PRKAG1: variants seen among roughly 807,000 people sequenced by gnomAD.
PRKAG1 encodes protein kinase AMP-activated non-catalytic subunit gamma 1.
PRKAG1 carries 27 observed loss-of-function variants against 48.2 expected under a neutral mutation model. The observed-to-expected ratio is 0.56, with a 90% CI of 0.41 to 0.77. The LOEUF (loss-of-function observed/expected upper bound fraction) is 0.77, where lower values mean the gene tolerates loss of function less well. Ranked by LOEUF, PRKAG1 falls within the 30% of genes least tolerant of loss-of-function variation. PRKAG1 has a pLI of 0.00. For synonymous variants in PRKAG1, 130 were observed against 147.7 expected, an observed-to-expected ratio of 0.88 and a Z score of 0.87; for missense variants, 287 against 398.3, an observed-to-expected ratio of 0.72 and a Z score of 2.38.
intron 7 of PRKAG1, 21 bp from the exon 8 acceptor site, chr12:49,004,654 A>G (rs202042343): frequency 3.7e-6 from 6 of 1,613,794 alleles, no homozygotes; most frequent in African/African-American, 1.3e-5. Flanking sequence ...GTGGGAGATA[A>G]TAAGTTCCAC....
chr12:49,018,685 T>C (rs372783464), intron 1 of PRKAG1, 47 bp downstream of exon 1: 14 of 1,611,692 alleles, frequency 8.7e-6, no homozygotes, highest in Non-Finnish European at 1.2e-5. Context: ...GTTGGGGGGG[T>C]GTCTTAGGCT....
At chr12:49,014,224 G>A (rs1941879003) in intron 1 of PRKAG1, among the ~76,000 whole-genome samples, 2 of 152,154 alleles carry the variant, frequency 1.3e-5, no homozygotes, top group Non-Finnish European at 2.9e-5. Flanking sequence ...CCATTCTGAT[G>A]AAATTCTACC....
At chr12:49,018,707 C>T in intron 1 of PRKAG1, 25 bp downstream of exon 1, 4 of 1,613,552 alleles carry the variant, frequency 2.5e-6, no homozygotes, top group Non-Finnish European at 3.4e-6. Flanking sequence ...CACAGCGCCC[C>T]CGACCGCCCT....
At chr12:49,004,676 TG>T (rs1941445792) in intron 7 of PRKAG1, 43 bp from the exon 8 acceptor site, 2 of 1,613,196 alleles carry the variant, frequency 1.2e-6, no homozygotes. Context: ...GTGCTGGGGC[TG>T]GGGGTGATTA....
chr12:49,012,994 T>C (rs532563030), intron 2 of PRKAG1, 68 bp downstream of exon 2: 4 of 1,450,240 alleles, frequency 2.8e-6, no homozygotes, highest in East Asian at 2.3e-5. Flanking sequence ...TTCAAAAGCA[T>C]TGTTGAAGAC....
chr12:49,015,252 C>T (rs1941919213), intron 1 of PRKAG1, among the ~76,000 whole-genome samples: 1 of 152,198 alleles, frequency 6.6e-6, no homozygotes, highest in Non-Finnish European at 1.5e-5. Flanking sequence ...CACAAAGGCA[C>T]AAAAACAGCT....
At chr12:49,004,198 C>CG in intron 8 of PRKAG1, 1 of 516,134 alleles carries the variant, frequency 1.9e-6, no homozygotes, top group Non-Finnish European at 3.3e-6. Flanking sequence ...GGGTTGAGGT[C>CG]GGGGGTCACC....
At chr12:49,007,485 TTAA>T (rs1357764002) in intron 2 of PRKAG1, among the ~76,000 whole-genome samples, 1 of 152,192 alleles carries the variant, frequency 6.6e-6, no homozygotes, top group Non-Finnish European at 1.5e-5. Context: ...AATTTGGTTT[TTAA>T]TATTTATTTT....
At position 49,011,048 on chromosome 12, in the gene PRKAG1, G is replaced by T. The variant is rs1941738293; in HGVS notation, c.58+2014C>A. Among the ~76,000 whole-genome samples the T allele has an allele frequency of 2.6e-5, 4 of 152,036 alleles. No homozygotes were observed. In the South Asian group the frequency reaches 8.3e-4, roughly 32 times the overall value. On this transcript the variant is annotated intron_variant, in intron 2 of 11. Transcript: ENST00000548065. Reference sequence around the variant, plus strand: ...AGTAGAGACGGGGTTTCACCATGTTGGCCAGGCTGGTCTCAAACTCTTGTT... The same window carrying T: ...AGTAGAGACGGGGTTTCACCATGTTTGCCAGGCTGGTCTCAAACTCTTGTT...
intron 2 of PRKAG1, among the ~76,000 whole-genome samples, chr12:49,007,282 G>A (rs1301399544): frequency 7.6e-5 from 9 of 118,818 alleles, no homozygotes; most frequent in African/African-American, 1.4e-4. Context: ...GTGAGACTCC[G>A]TCTCAAAAAA....
chr12:49,007,139 T>A (rs1042243671), intron 2 of PRKAG1, among the ~76,000 whole-genome samples: 1 of 151,048 alleles, frequency 6.6e-6, no homozygotes, highest in East Asian at 1.9e-4. Flanking sequence ...ATATAAAAAT[T>A]AGCCAGGCGT....
rs199513404 is a variant in PRKAG1 at position 49,013,100 on chromosome 12, G to A, written c.20C>T (p.Ser7Leu). 16 of 1,613,590 alleles carry A rather than the reference G, an allele frequency of 9.9e-6. No homozygotes were observed. The highest frequency in any genetic ancestry group is 6.7e-5 in the East Asian group (3 of 44,898). Residue 7 changes from serine (S) to leucine (L), a missense_variant, in exon 2 of 12, where the codon TCA becomes TTA. Transcript: ENST00000548065. ...ATTTTCCACAGCTGGGGAGCTATCTGAAGAAATGACCTGGAGAGATAAGAA... is the reference window on the plus strand; with the variant it reads ...ATTTTCCACAGCTGGGGAGCTATCTAAAGAAATGACCTGGAGAGATAAGAA... METVIS[S>L]DSSPAVENEH...
Position 49,004,971 on chromosome 12 carries a change from T to C in PRKAG1, c.403A>G (p.Asn135Asp). Residue 135 changes from asparagine (N) to aspartate (D), a missense_variant, in exon 7 of 12, where the codon AAT becomes GAT. Physicochemically the swap from Asn to Asp is conservative, Grantham distance 23 (BLOSUM62 1). This residue lies in a region of PRKAG1 where 224 missense variants were observed against 344.3 expected (regional missense o/e 0.65). Transcript: ENST00000548065. ...SFKPLVCISP[N>D]ASLFDAVSSL... is the part of the protein sequence containing the mutation. ...TGGGTAACTGGAACTCACCTGGCAT[T>C]AGGAGAAATGCAGACAAGCGGTTTA... 1 of 1,613,954 alleles carries C rather than the reference T, an allele frequency of 6.2e-7. No individual in the cohort carries two copies. Among genetic ancestry groups the C allele is most frequent in the South Asian group, 1.1e-5 (1 of 91,078 alleles).
chr12:49,002,906 T>C lies in PRKAG1; in HGVS notation c.989A>G (p.Lys330Arg), dbSNP rs1292224498. The C allele has an allele frequency of 6.2e-7, 1 of 1,613,910 alleles. No homozygotes were observed. Among genetic ancestry groups the C allele is most frequent in the African/African-American group, 1.3e-5 (1 of 74,942 alleles). The change falls in exon 12 of 12, where the codon AAG becomes AGG. Residue 330 changes from lysine (K) to arginine (R), a missense_variant. Lys to Arg is a conservative substitution (Grantham distance 26). Transcript: ENST00000548065. ...QALVLTGGEK[K>R]P ...ATGACCCCTTCCCCCAGCTCAGGGC[T>C]TCTTCTCTCCACCTGTGAGCACCAG...
chr12:49,015,306 G>A (rs1941921243), intron 1 of PRKAG1, among the ~76,000 whole-genome samples: 1 of 152,222 alleles, frequency 6.6e-6, no homozygotes, highest in Non-Finnish European at 1.5e-5. Flanking sequence ...ACTGTACTGT[G>A]CTACAGTTAT....
intron 2 of PRKAG1, among the ~76,000 whole-genome samples, chr12:49,007,852 T>C (rs141088116): frequency 6.6e-6 from 1 of 151,928 alleles, no homozygotes; most frequent in Non-Finnish European, 1.5e-5. Flanking sequence ...TATATCCGTA[T>C]TTCAATCTTT....
chr12:49,012,942 G>T, intron 2 of PRKAG1, 120 bp downstream of exon 2: 2 of 1,005,472 alleles, frequency 2.0e-6, no homozygotes, highest in Non-Finnish European at 1.5e-6. Context: ...TTTGTGGTTT[G>T]GCACATTATC....
intron 2 of PRKAG1, among the ~76,000 whole-genome samples, chr12:49,012,122 G>C (rs1941783484): frequency 6.6e-6 from 1 of 152,204 alleles, no homozygotes; most frequent in South Asian, 2.1e-4. Context: ...CTCCCAAAGT[G>C]CTGGGAATAC....
chr12:49,018,686 G>A (rs778659049), intron 1 of PRKAG1, 46 bp downstream of exon 1: 2 of 1,613,634 alleles, frequency 1.2e-6, no homozygotes, highest in Admixed American at 3.3e-5. Context: ...TTGGGGGGGT[G>A]TCTTAGGCTC....
Sources: gnomAD v4.1 joint callset for allele counts (sites outside exome capture counted in the v4.1 genomes callset) on GRCh38, gnomAD v4.1.1 for gene constraint, gnomAD v4.1.1 regional missense constraint, MANE v1.5 for transcripts, NCBI Gene and HGNC (gene_info 2026-07-23, HGNC 2026-07-21) for gene names.